Variants in BCAS3 observed in about 807,000 individuals in gnomAD.
The protein encoded by BCAS3 is BCAS3 microtubule associated cell migration factor, also known as BCAS4/BCAS3 fusion.
In BCAS3, 53 loss-of-function variants were observed where a neutral mutation model predicts 116.1. The observed-to-expected ratio is 0.46, with a 90% CI of 0.37 to 0.57. BCAS3 has a LOEUF of 0.57. Ranked by LOEUF, BCAS3 falls within the 20% of genes least tolerant of loss-of-function variation. The pLI is 0.00. For missense variants in BCAS3, 917 were observed against 1,165.4 expected (o/e 0.79, Z 3.10); for synonymous variants, 391 against 408.2 (o/e 0.96, Z 0.51).
At chr17:61,049,730 CTTTTTT>C (rs1027378849) in intron 19 of BCAS3, among the ~76,000 whole-genome samples, 1 of 120,828 alleles carries the variant, frequency 8.3e-6, no homozygotes, top group African/African-American at 3.5e-5. Context: ...CTTTTCTTTT[CTTTTTT>C]TTTTTTTTTT....
intron 22 of BCAS3, among the ~76,000 whole-genome samples, chr17:61,237,958 G>A (rs751825598): frequency 2.0e-5 from 3 of 152,148 alleles, no homozygotes; most frequent in Non-Finnish European, 2.9e-5. Context: ...TGCTTTACAG[G>A]GGTGATTTTT....
chr17:61,026,580 G>A lies in BCAS3; in HGVS notation c.1638-8086G>A, dbSNP rs748825286. 6.6e-6 allele frequency among the ~76,000 whole-genome samples: 1 copy of A among 151,992 alleles called. No homozygotes were observed. The highest frequency in any genetic ancestry group is 1.5e-5 in the Non-Finnish European group (1 of 67,932). ...TACCTTGTTTTAAAGGGCTTCAGCA[G>A]TGAATTTTATTTTATTTTAACTTAG... On this transcript the variant is annotated intron_variant, in intron 16 of 23. Transcript: ENST00000407086. The surrounding 1 kb of genome is among the most constrained non-coding windows in gnomAD (Gnocchi z 5.0).
Position 61,155,161 on chromosome 17 carries a change from A to AT in BCAS3, c.2425+70606dup, listed in dbSNP as rs575893682. Among the ~76,000 whole-genome samples the AT allele has an allele frequency of 3.8e-4, 57 of 151,752 alleles. 1 individual carries two copies. In the South Asian group the frequency reaches 1.0e-2, roughly 27 times the overall value. ...AAAAAGTGTACGAAGCTTACATATG[A>AT]TTTTTTTTTAAGTTTCTTCCTGCCA... is the stretch of plus-strand genomic sequence containing the variant. On this transcript the variant is annotated intron_variant, in intron 22 of 23. Coordinates refer to ENST00000407086, the MANE Select transcript of BCAS3 (RefSeq NM_017679.5).
chr17:60,980,189 A>T (rs983138985), intron 14 of BCAS3, among the ~76,000 whole-genome samples: 3 of 152,198 alleles, frequency 2.0e-5, no homozygotes, highest in Admixed American at 6.5e-5. Context: ...TTATTGGTCT[A>T]TTCAGAGATT....
At chr17:61,232,393 A>G (rs72832591) in intron 22 of BCAS3, among the ~76,000 whole-genome samples, 26,741 of 151,290 alleles carry the variant, frequency 0.18, 2,683 homozygotes, top group African/African-American at 0.28. Flanking sequence ...TTTTGGCCAA[A>G]AAAAAGGTGG....
intron 22 of BCAS3, among the ~76,000 whole-genome samples, chr17:61,306,443 G>A (rs1048535259): frequency 6.6e-6 from 1 of 152,184 alleles, no homozygotes; most frequent in Non-Finnish European, 1.5e-5. Context: ...GAAGTGGAAA[G>A]TACTCAATAG....
At chr17:60,693,449 C>T (rs1013574622) in intron 4 of BCAS3, among the ~76,000 whole-genome samples, 1 of 151,466 alleles carries the variant, frequency 6.6e-6, no homozygotes, top group African/African-American at 2.4e-5. Flanking sequence ...CACTTTTTCA[C>T]CCAGGCTGGA....
intron 21 of BCAS3, among the ~76,000 whole-genome samples, chr17:61,081,197 T>C (rs978724210): frequency 5.9e-5 from 9 of 152,212 alleles, no homozygotes; most frequent in African/African-American, 1.9e-4. Context: ...GTTTTTTTGC[T>C]AAACCGTGCA....
intron 5 of BCAS3, among the ~76,000 whole-genome samples, chr17:60,709,895 A>T (rs1347735158): frequency 4.6e-5 from 7 of 152,194 alleles, no homozygotes; most frequent in Admixed American, 6.5e-5. Context: ...ATTTGTTGAG[A>T]TGTAGTAAAT....
intron 6 of BCAS3, among the ~76,000 whole-genome samples, chr17:60,763,543 A>C (rs1183790779): frequency 6.6e-6 from 1 of 152,040 alleles, no homozygotes; most frequent in Non-Finnish European, 1.5e-5. Context: ...CCAGGGATGA[A>C]GCCAACTTGA....
intron 7 of BCAS3, among the ~76,000 whole-genome samples, chr17:60,820,262 G>T (rs972561556): frequency 1.3e-5 from 2 of 151,836 alleles, no homozygotes; most frequent in Non-Finnish European, 2.9e-5. Context: ...AGCCAGGATG[G>T]TCTTGATCTC....
In BCAS3 at chr17:61,392,188, G is replaced by C. The variant is rs1277837031; in HGVS notation, c.*63G>C. On this transcript the variant is annotated 3_prime_UTR_variant, in exon 24 of 24. Coordinates refer to ENST00000407086, the MANE Select transcript of BCAS3 (RefSeq NM_017679.5). The surrounding 1 kb of genome is among the most constrained non-coding windows in gnomAD (Gnocchi z 6.4). ...CCTGCTGGAGGAGGGGAGAAGCCCC[G>C]CTCTGGTCCTACCCTTCAGTCTCTG... 9.0e-6 allele frequency: 14 copies of C among 1,553,918 alleles called. No individual in the cohort carries two copies. The highest frequency in any genetic ancestry group is 1.4e-5 in the African/African-American group (1 of 72,992).
chr17:61,391,717 G>A lies in BCAS3; in HGVS notation c.2594-260G>A, dbSNP rs139208165. On this transcript the variant is annotated intron_variant, in intron 23 of 23. Transcript: ENST00000407086. This position sits in a 1 kb window ranked among gnomAD's most constrained non-coding sequence, Gnocchi z 7.7. The stretch of plus-strand genomic sequence containing the variant: ...CACATCGTCAGGGTGGCCGTGCTTC[G>A]GGCCTAAAGGGCTTCCCGCAGCAGG... 19 of 483,794 alleles carry A rather than the reference G, an allele frequency of 3.9e-5. No individual in the cohort carries two copies. The highest frequency in any genetic ancestry group is 1.8e-4 in the African/African-American group (9 of 51,104). 30.0% of individuals were successfully genotyped at this position (483,794 alleles called of 1,614,324 possible).
At chr17:60,826,885 A>G (rs1427381146) in intron 7 of BCAS3, among the ~76,000 whole-genome samples, 1 of 152,242 alleles carries the variant, frequency 6.6e-6, no homozygotes, top group African/African-American at 2.4e-5. Flanking sequence ...GGATGATATT[A>G]GGCCTTCAGT....
intron 6 of BCAS3, among the ~76,000 whole-genome samples, chr17:60,761,822 A>G (rs144422771): frequency 0.081 from 8,886 of 110,002 alleles, 1,420 homozygotes; most frequent in African/African-American, 0.39. Context: ...GCTTCCACCA[A>G]CAGTGTAAAA....
In BCAS3 at chr17:61,233,254, AT is replaced by A. The variant is rs1163352282; in HGVS notation, c.2426-135070del. Among the ~76,000 whole-genome samples the A allele has an allele frequency of 1.3e-5, 2 of 152,210 alleles. No homozygotes were observed. Among genetic ancestry groups the A allele is most frequent in the Non-Finnish European group, 2.9e-5 (2 of 68,030 alleles). On this transcript the variant is annotated intron_variant, in intron 22 of 23. Coordinates refer to ENST00000407086, the MANE Select transcript of BCAS3 (RefSeq NM_017679.5). The surrounding 1 kb of genome is among the most constrained non-coding windows in gnomAD (Gnocchi z 4.3). ...GGAAGGTTCTGAATGCCCAAGTTTC[AT>A]TTAGGAAGCTTCACACCTTTGAGCC...
chr17:61,293,881 C>A (rs2052663284), intron 22 of BCAS3, among the ~76,000 whole-genome samples: 2 of 152,200 alleles, frequency 1.3e-5, no homozygotes, highest in East Asian at 3.9e-4. Context: ...CCACTTCAGC[C>A]TCCCAGGTGT....
In BCAS3 at chr17:61,063,610, C is replaced by T. The variant is rs1046311073; in HGVS notation, c.2030-11310C>T. On this transcript the variant is annotated intron_variant, in intron 19 of 23. Coordinates refer to ENST00000407086, the MANE Select transcript of BCAS3 (RefSeq NM_017679.5). The surrounding 1 kb of genome is among the most constrained non-coding windows in gnomAD (Gnocchi z 5.3). ...AAGAAATGCTTCAGGATCTTGTTTC[C>T]ACTTGATTAAAATTTCCATTGAAAG... is the stretch of plus-strand genomic sequence containing the variant. Among the ~76,000 whole-genome samples the T allele has an allele frequency of 1.3e-5, 2 of 152,114 alleles. No homozygotes were observed. Among genetic ancestry groups the T allele is most frequent in the Non-Finnish European group, 2.9e-5 (2 of 68,012 alleles).
intron 2 of BCAS3, among the ~76,000 whole-genome samples, chr17:60,680,134 C>CAAAAA (rs11442352): frequency 1.8e-5 from 2 of 108,288 alleles, no homozygotes; most frequent in Non-Finnish European, 1.7e-5. Flanking sequence ...ACTCTGTCTC[C>CAAAAA]AAAAAAAAAA....
Sources: allele counts gnomAD v4.1 joint callset (sites outside exome capture counted in the v4.1 genomes callset), GRCh38; gene constraint gnomAD v4.1.1; non-coding constraint Gnocchi (gnomAD v3.1); transcripts MANE v1.5; gene names NCBI Gene and HGNC (gene_info 2026-07-23, HGNC 2026-07-21).